MYO3A: variants seen among roughly 807,000 people sequenced by gnomAD.
MYO3A encodes the protein myosin IIIA.
MYO3A carries 180 observed loss-of-function variants against 192.7 expected under a neutral mutation model. That is an observed-to-expected ratio of 0.93 (90% CI 0.83 to 1.06). The LOEUF is 1.06. Among genes scored for constraint, MYO3A ranks in the 50% least tolerant of loss-of-function variants. The pLI, the probability that MYO3A is intolerant of heterozygous loss-of-function variation, is 0.00. For synonymous variants in MYO3A, 628 were observed against 645.3 expected (o/e 0.97, Z 0.41); for missense variants, 1,896 against 1,905.0 (o/e 1.00, Z 0.09).
At chr10:26,129,876 A>G (rs1396538701) in intron 20 of MYO3A, among the ~76,000 whole-genome samples, 1 of 152,208 alleles carries the variant, frequency 6.6e-6, no homozygotes, top group East Asian at 1.9e-4. Context: ...AGAGACCAAA[A>G]CAAGTAAAAA....
chr10:26,105,610 A>T (rs949299841), intron 17 of MYO3A, among the ~76,000 whole-genome samples: 2 of 151,974 alleles, frequency 1.3e-5, no homozygotes, highest in African/African-American at 4.8e-5. Flanking sequence ...TGTTTCTATC[A>T]TTTGTGTTAT....
intron 32 of MYO3A, among the ~76,000 whole-genome samples, chr10:26,198,369 T>G (rs1404229083): frequency 6.6e-6 from 1 of 152,198 alleles, no homozygotes; most frequent in East Asian, 1.9e-4. Context: ...GGGCTAATGC[T>G]CAAAGCTGTG....
chr10:26,034,807 C>T (rs910609735), intron 10 of MYO3A, among the ~76,000 whole-genome samples: 9 of 151,500 alleles, frequency 5.9e-5, no homozygotes, highest in South Asian at 2.1e-4. Context: ...ATAGGCAAGA[C>T]GGGCTAGTGT....
chr10:26,157,385 G>T lies in MYO3A; in HGVS notation c.2869G>T (p.Glu957Ter). 6.2e-7 allele frequency: 1 copy of T among 1,614,120 alleles called. No individual in the cohort carries two copies. The highest frequency in any genetic ancestry group is 1.1e-5 in the South Asian group (1 of 91,076). Reference protein sequence around the residue: ...HFVRCIKPNSERQARKYDKEK... With the variant: ...HFVRCIKPNS ...TGTCCGTTGCATCAAACCAAATAGT[G>T]AGCGTCAGGCAAGAAAATATGACAA... Residue 957 changes from glutamate to a stop codon, truncating the protein, a stop_gained, in exon 26 of 35, where the codon GAG becomes TAG. Transcript: ENST00000642920. LOFTEE classifies it high-confidence loss of function.
At position 26,128,546 on chromosome 10, in the gene MYO3A, T is replaced by G. The variant is rs746208439; in HGVS notation, c.2262+8T>G. On this transcript the variant is annotated splice_region_variant and intron_variant, in intron 20 of 34. Transcript: ENST00000642920. The stretch of plus-strand genomic sequence containing the variant: ...GTGTTTGCATGGGAACAGGTAAGTC[T>G]AAGTACTTACTATAAATATGCATGC... 1.2e-6 allele frequency: 2 copies of G among 1,603,622 alleles called. No individual in the cohort carries two copies. The highest frequency in any genetic ancestry group is 3.3e-5 in the Admixed American group (2 of 59,974).
Position 26,193,197 on chromosome 10 carries a change from T to C in MYO3A, c.4439-8T>C, listed in dbSNP as rs750319762. The C allele has an allele frequency of 1.2e-5, 19 of 1,592,680 alleles. No individual in the cohort carries two copies. Among genetic ancestry groups the C allele is most frequent in the Non-Finnish European group, 1.6e-5 (19 of 1,160,774 alleles). On this transcript the variant is annotated splice_region_variant and splice_polypyrimidine_tract_variant and intron_variant, in intron 31 of 34. Coordinates refer to ENST00000642920, the MANE Select transcript of MYO3A (RefSeq NM_017433.5). ...TTAAATACTTGTTTATGATCACCTTTCTTATAGGTGTCTGTAAAGGAGAGG... is the reference window on the plus strand; with the variant it reads ...TTAAATACTTGTTTATGATCACCTTCCTTATAGGTGTCTGTAAAGGAGAGG...
chr10:25,979,015 G>T (rs1839135777), intron 4 of MYO3A, among the ~76,000 whole-genome samples: 2 of 152,106 alleles, frequency 1.3e-5, no homozygotes, highest in African/African-American at 2.4e-5. Flanking sequence ...GCTTAGATCT[G>T]TAAAATAGAG....
chr10:26,040,426 G>T (rs1443108286), intron 10 of MYO3A, among the ~76,000 whole-genome samples: 1 of 152,050 alleles, frequency 6.6e-6, no homozygotes, highest in Non-Finnish European at 1.5e-5. Context: ...ACATCACTTG[G>T]AGGGATGCTG....
intron 4 of MYO3A, among the ~76,000 whole-genome samples, chr10:25,964,243 A>G (rs1259495050): frequency 2.0e-5 from 3 of 152,206 alleles, no homozygotes; most frequent in African/African-American, 7.2e-5. Context: ...TTATACAACA[A>G]TAATACCTTT....
At chr10:25,951,781 A>G (rs1450522633) in intron 2 of MYO3A, among the ~76,000 whole-genome samples, 1 of 152,198 alleles carries the variant, frequency 6.6e-6, no homozygotes, top group Non-Finnish European at 1.5e-5. Flanking sequence ...GTTGTGATAC[A>G]TGAGTATAAA....
chr10:26,112,655 C>A (rs1383596328), intron 17 of MYO3A, among the ~76,000 whole-genome samples: 1 of 152,130 alleles, frequency 6.6e-6, no homozygotes, highest in Non-Finnish European at 1.5e-5. Context: ...GTTGACAGCA[C>A]CCCAAGTGTA....
intron 34 of MYO3A, among the ~76,000 whole-genome samples, chr10:26,203,844 A>G (rs1001596787): frequency 1.3e-5 from 2 of 152,216 alleles, no homozygotes; most frequent in African/African-American, 4.8e-5. Flanking sequence ...GGTTAAGAAA[A>G]GAAGTTTTAG....
intron 6 of MYO3A, among the ~76,000 whole-genome samples, chr10:26,008,776 G>A (rs1450237686): frequency 2.6e-5 from 4 of 151,924 alleles, no homozygotes; most frequent in Non-Finnish European, 4.4e-5. Context: ...TCACACTGTT[G>A]GTGGGACTGT....
At chr10:26,136,038 T>C (rs1247141425) in intron 20 of MYO3A, among the ~76,000 whole-genome samples, 1 of 151,058 alleles carries the variant, frequency 6.6e-6, no homozygotes, top group African/African-American at 2.4e-5. Flanking sequence ...CGGCCCCATC[T>C]ACCCCTAACC....
At chr10:26,120,572 A>T in intron 17 of MYO3A, 104 bp from the exon 18 acceptor site, 12 of 1,466,958 alleles carry the variant, frequency 8.2e-6, no homozygotes, top group Non-Finnish European at 1.0e-5. Context: ...GTGGATAGAT[A>T]TGAAAGGGCC....
At chr10:26,019,826 GTTA>G (rs1842208935) in intron 7 of MYO3A, among the ~76,000 whole-genome samples, 1 of 152,070 alleles carries the variant, frequency 6.6e-6, no homozygotes, top group Non-Finnish European at 1.5e-5. Flanking sequence ...ATCACTTTTT[GTTA>G]TTATGAGCAA....
chr10:25,962,818 A>G (rs1407559129), intron 4 of MYO3A, among the ~76,000 whole-genome samples: 3 of 152,156 alleles, frequency 2.0e-5, no homozygotes, highest in Non-Finnish European at 4.4e-5. Context: ...TCAGTCTCAT[A>G]TAAGGCATTT....
At chr10:26,185,500 C>T (rs751916356) in intron 31 of MYO3A, among the ~76,000 whole-genome samples, 6 of 151,558 alleles carry the variant, frequency 4.0e-5, no homozygotes, top group South Asian at 2.1e-4. Context: ...CCACCATGCC[C>T]GGCTAAATTT....
intron 26 of MYO3A, among the ~76,000 whole-genome samples, chr10:26,160,423 A>G (rs1202178689): frequency 6.6e-6 from 1 of 152,232 alleles, no homozygotes; most frequent in Non-Finnish European, 1.5e-5. Context: ...CAGAAGGATC[A>G]TTTGATGCCA....
Sources: gnomAD v4.1 joint callset for allele counts (sites outside exome capture counted in the v4.1 genomes callset) on GRCh38, gnomAD v4.1.1 for gene constraint, MANE v1.5 for transcripts, NCBI Gene and HGNC (gene_info 2026-07-23, HGNC 2026-07-21) for gene names.